Variants in YWHAZ observed in about 807,000 individuals in gnomAD.
The protein encoded by YWHAZ is tyrosine 3-monooxygenase/tryptophan 5-monooxygenase activation protein zeta.
For synonymous variants in YWHAZ, 87 were observed against 103.6 expected (o/e 0.84, Z 0.97); for missense variants, 79 against 284.8 (o/e 0.28, Z 5.20).
At position 100,924,533 on chromosome 8, in the gene YWHAZ, T is replaced by G. The variant is rs57580486; in HGVS notation, c.419-235A>C. ...TATAATCTCATTATTGTTATGTTTT[T>G]AAAAAATTGACGAGTTTTGACATCC... is the stretch of plus-strand genomic sequence containing the variant. On this transcript the variant is annotated intron_variant, in intron 3 of 5. Coordinates refer to ENST00000395958, the MANE Select transcript of YWHAZ (RefSeq NM_145690.3). This position sits in a 1 kb window ranked among gnomAD's most constrained non-coding sequence, Gnocchi z 5.7. Among the ~76,000 whole-genome samples, 194 of 152,246 alleles carry G rather than the reference T, an allele frequency of 1.3e-3. 2 individuals are homozygous for G. Among genetic ancestry groups the G allele is most frequent in the Admixed American group, 5.3e-3 (81 of 15,278 alleles).
chr8:100,921,862 A>G (rs1813046962), intron 5 of YWHAZ, among the ~76,000 whole-genome samples: 1 of 152,252 alleles, frequency 6.6e-6, no homozygotes, highest in Non-Finnish European at 1.5e-5. Flanking sequence ...AGGTAATTAC[A>G]AAAGGATTCA....
upstream of YWHAZ, chr8:100,952,154 A>C: frequency 1.5e-5 from 15 of 985,426 alleles, no homozygotes; most frequent in Non-Finnish European, 1.7e-5. Flanking sequence ...ATTGGTGCCC[A>C]CAGCGATCGG....
chr8:100,936,216 G>T (rs888782681), intron 2 of YWHAZ, among the ~76,000 whole-genome samples: 2 of 152,140 alleles, frequency 1.3e-5, no homozygotes, highest in African/African-American at 4.8e-5. Context: ...CCCCTTTGAA[G>T]AAGCAACCTA....
At chr8:100,949,369 G>A (rs370261762) in intron 1 of YWHAZ, among the ~76,000 whole-genome samples, 3 of 151,740 alleles carry the variant, frequency 2.0e-5, no homozygotes, top group African/African-American at 4.9e-5. Context: ...TGTAACTCAC[G>A]TCTTTTTACT....
chr8:100,930,265 A>G (rs1461351515), intron 2 of YWHAZ, among the ~76,000 whole-genome samples: 2 of 152,060 alleles, frequency 1.3e-5, no homozygotes, highest in East Asian at 3.9e-4. Context: ...CACCCAGCTA[A>G]TTTTTGTATT....
intron 2 of YWHAZ, among the ~76,000 whole-genome samples, chr8:100,935,382 A>G (rs959371028): frequency 1.4e-4 from 22 of 152,238 alleles, no homozygotes; most frequent in African/African-American, 2.4e-4. Context: ...TATTTTTCAG[A>G]AAGTCTTCAT....
chr8:100,938,081 G>A (rs1468498348), intron 2 of YWHAZ, among the ~76,000 whole-genome samples: 1 of 152,150 alleles, frequency 6.6e-6, no homozygotes, highest in South Asian at 2.1e-4. Flanking sequence ...GGTGAGCCAA[G>A]ATCATGCCAT....
chr8:100,932,014 A>G (rs544915717), intron 2 of YWHAZ: 2 of 152,200 alleles, frequency 1.3e-5, no homozygotes, highest in East Asian at 1.9e-4. Context: ...CAAACTATGG[A>G]GACAGACTGC....
chr8:100,950,716 C>G (rs1810679385), intron 1 of YWHAZ: 1 of 544,888 alleles, frequency 1.8e-6, no homozygotes, highest in East Asian at 1.5e-4. Context: ...GACGCCACAG[C>G]AGCCCGCAGA....
intron 5 of YWHAZ, 66 bp from the exon 6 acceptor site, chr8:100,920,818 A>C (rs547564192): frequency 7.7e-6 from 9 of 1,164,164 alleles, no homozygotes; most frequent in African/African-American, 3.2e-5. Context: ...GCGTTTTCAT[A>C]TAAGTGCCAA....
chr8:100,929,605 A>G (rs1433196671), intron 2 of YWHAZ, among the ~76,000 whole-genome samples: 1 of 152,232 alleles, frequency 6.6e-6, no homozygotes, highest in East Asian at 1.9e-4. Flanking sequence ...ACTATTGAAT[A>G]CTAGAACTTA....
At chr8:100,926,932 A>C (rs1410431880) in intron 2 of YWHAZ, among the ~76,000 whole-genome samples, 1 of 152,180 alleles carries the variant, frequency 6.6e-6, no homozygotes, top group East Asian at 1.9e-4. Flanking sequence ...TTATTCATTC[A>C]ACTATGGGAG....
chr8:100,951,391 G>C (rs879914844), intron 1 of YWHAZ: 493 of 971,510 alleles, frequency 5.1e-4, no homozygotes, highest in Non-Finnish European at 5.9e-4. Flanking sequence ...CGCCCAGCGC[G>C]GAGGCTGCGC....
intron 2 of YWHAZ, among the ~76,000 whole-genome samples, chr8:100,931,576 T>A (rs994439179): frequency 6.6e-6 from 1 of 152,192 alleles, no homozygotes; most frequent in African/African-American, 2.4e-5. Flanking sequence ...AATTCCACCC[T>A]AACCCATTAA....
At chr8:100,937,524 A>AT (rs1814241416) in intron 2 of YWHAZ, among the ~76,000 whole-genome samples, 2 of 152,216 alleles carry the variant, frequency 1.3e-5, no homozygotes, top group African/African-American at 4.8e-5. Context: ...TCAAAGCAAA[A>AT]CAATCAACCT....
intron 2 of YWHAZ, among the ~76,000 whole-genome samples, chr8:100,943,526 G>A (rs1810024868): frequency 6.6e-6 from 1 of 152,122 alleles, no homozygotes; most frequent in Admixed American, 6.6e-5. Flanking sequence ...TATAAAGACA[G>A]AGCTAGTTTC....
At chr8:100,927,402 T>C (rs1813438558) in intron 2 of YWHAZ, among the ~76,000 whole-genome samples, 1 of 152,162 alleles carries the variant, frequency 6.6e-6, no homozygotes, top group Non-Finnish European at 1.5e-5. Context: ...CACACCCCTA[T>C]AGTCCCAGCT....
chr8:100,938,863 A>T (rs1814399823), intron 2 of YWHAZ, among the ~76,000 whole-genome samples: 1 of 152,238 alleles, frequency 6.6e-6, no homozygotes, highest in Admixed American at 6.5e-5. Flanking sequence ...GGTGTCAAGA[A>T]CTAATTTATT....
At chr8:100,932,537 G>C (rs1472767783) in intron 2 of YWHAZ, among the ~76,000 whole-genome samples, 1 of 152,144 alleles carries the variant, frequency 6.6e-6, no homozygotes, top group Admixed American at 6.5e-5. Context: ...CTAAGATCAT[G>C]GTGGTAGTAA....
Sources: allele counts gnomAD v4.1 joint callset (sites outside exome capture counted in the v4.1 genomes callset), GRCh38; gene constraint gnomAD v4.1.1; non-coding constraint Gnocchi (gnomAD v3.1); transcripts MANE v1.5; gene names NCBI Gene and HGNC (gene_info 2026-07-23, HGNC 2026-07-21).